The following GNB4 variants were observed in gnomAD, a reference collection of about 807,000 sequenced individuals.
The protein encoded by GNB4 is guanine nucleotide-binding protein subunit beta-4.
GNB4 carries 28 observed loss-of-function variants against 45.2 expected under a neutral mutation model. The ratio of observed to expected loss-of-function variants is 0.62; its 90% CI spans 0.46 to 0.85. GNB4 has a LOEUF of 0.85. Among genes scored for constraint, GNB4 ranks in the 40% least tolerant of loss-of-function variants. GNB4 has a pLI of 0.00. For missense variants in GNB4, 321 were observed against 425.4 expected (o/e 0.75, Z 2.16); for synonymous variants, 132 against 143.7 (o/e 0.92, Z 0.58).
the GNB4 span, chr3:179,464,429 C>A: frequency 2.7e-6 from 4 of 1,509,268 alleles, no homozygotes; most frequent in Admixed American, 3.4e-5. Context: ...CTCGCCCCTT[C>A]CACCTCACGG....
the GNB4 span, among the ~76,000 whole-genome samples, chr3:179,505,721 C>T: frequency 1.3e-5 from 2 of 152,088 alleles, no homozygotes; most frequent in African/African-American, 2.4e-5. Context: ...GAGTGCTGGA[C>T]GACACGTTCC....
the GNB4 span, among the ~76,000 whole-genome samples, chr3:179,462,603 C>A: frequency 6.6e-6 from 1 of 152,120 alleles, no homozygotes; most frequent in African/African-American, 2.4e-5. Flanking sequence ...CTTTGGGAGG[C>A]CGAGGCGGGC....
the GNB4 span, among the ~76,000 whole-genome samples, chr3:179,520,032 C>T: frequency 1.3e-5 from 2 of 152,186 alleles, no homozygotes; most frequent in African/African-American, 4.8e-5. Context: ...TGCCTATCCA[C>T]CCCGTGGTGG....
At chr3:179,519,165 A>G in the GNB4 span, among the ~76,000 whole-genome samples, 12 of 152,324 alleles carry the variant, frequency 7.9e-5, no homozygotes, top group South Asian at 4.1e-4. Flanking sequence ...CCACTGGGTC[A>G]AGGAATGCCC....
rs1347890508 is a variant in GNB4 at position 179,413,794 on chromosome 3, G to A, written c.431-13C>T. On this transcript the variant is annotated splice_polypyrimidine_tract_variant and intron_variant, in intron 6 of 9. Transcript: ENST00000232564. Reference sequence around the variant, plus strand: ...CAGGACAAGTACCCTACAGCATAAAGAGTAGCAAATTTTAGGTTATCACTG... The same window carrying A: ...CAGGACAAGTACCCTACAGCATAAAAAGTAGCAAATTTTAGGTTATCACTG... The A allele has an allele frequency of 6.8e-6, 11 of 1,610,400 alleles. No individual in the cohort carries two copies. The African/African-American group carries it at 1.3e-4, about 20-fold the overall frequency.
chr3:179,487,143 A>G, the GNB4 span, among the ~76,000 whole-genome samples: 2 of 152,344 alleles, frequency 1.3e-5, no homozygotes, highest in South Asian at 2.1e-4. Context: ...TGTGCTTACT[A>G]TGAATGTCTT....
chr3:179,500,195 C>T, the GNB4 span, among the ~76,000 whole-genome samples: 1 of 152,226 alleles, frequency 6.6e-6, no homozygotes, highest in East Asian at 1.9e-4. Context: ...AGGTTTTCTT[C>T]TAGGGTTTTT....
At chr3:179,442,388 G>A (rs1307138416) in intron 1 of GNB4, among the ~76,000 whole-genome samples, 1 of 152,024 alleles carries the variant, frequency 6.6e-6, no homozygotes, top group East Asian at 1.9e-4. Context: ...AAAATAGCAG[G>A]GCATTTCCTT....
At chr3:179,503,482 C>T in the GNB4 span, among the ~76,000 whole-genome samples, 1 of 152,194 alleles carries the variant, frequency 6.6e-6, no homozygotes, top group Admixed American at 6.5e-5. Context: ...TTAACTACAT[C>T]ATCCATTAAA....
chr3:179,446,887 T>A (rs1420960813), intron 1 of GNB4, among the ~76,000 whole-genome samples: 1 of 152,208 alleles, frequency 6.6e-6, no homozygotes, highest in Non-Finnish European at 1.5e-5. Context: ...CATTCCTTCA[T>A]TCAACAAATA....
the GNB4 span, among the ~76,000 whole-genome samples, chr3:179,481,029 T>G: frequency 0.11 from 15,958 of 151,668 alleles, 1,099 homozygotes; most frequent in Admixed American, 0.18. Context: ...TTTTTTGTAT[T>G]TTTAGTAGAG....
intron 8 of GNB4, among the ~76,000 whole-genome samples, chr3:179,409,671 G>A (rs1487821971): frequency 1.3e-5 from 2 of 151,790 alleles, no homozygotes; most frequent in East Asian, 1.9e-4. Context: ...TTAGCTGGGC[G>A]TGGTGGTGTG....
intron 1 of GNB4, chr3:179,437,922 A>T (rs141615732): frequency 1.1e-3 from 171 of 152,262 alleles, no homozygotes; most frequent in African/African-American, 4.1e-3. Context: ...AAATTAAAAA[A>T]TTACCCAGGT....
chr3:179,438,104 C>T (rs1306918336), intron 1 of GNB4, among the ~76,000 whole-genome samples: 2 of 151,944 alleles, frequency 1.3e-5, no homozygotes, highest in Non-Finnish European at 2.9e-5. Flanking sequence ...CAGGATTACC[C>T]CGAACTTAAA....
At chr3:179,470,521 A>C in the GNB4 span, among the ~76,000 whole-genome samples, 1 of 150,228 alleles carries the variant, frequency 6.7e-6, no homozygotes, top group Non-Finnish European at 1.5e-5. Context: ...AAAGAAAAAA[A>C]TATATATATA....
intron 6 of GNB4, among the ~76,000 whole-genome samples, chr3:179,414,157 C>T (rs13072699): frequency 0.027 from 4,074 of 151,938 alleles, 100 homozygotes; most frequent in Non-Finnish European, 0.04. Context: ...CTGGGTGCAC[C>T]GCCTATGAGT....
At chr3:179,414,755 A>T (rs561622610) in intron 6 of GNB4, 130 bp downstream of exon 6, 1 of 602,704 alleles carries the variant, frequency 1.7e-6, no homozygotes, top group African/African-American at 1.9e-5. Context: ...TCCTTTGTTC[A>T]TAATAATTTC....
At chr3:179,424,033 T>A (rs1715073738) in intron 2 of GNB4, among the ~76,000 whole-genome samples, 1 of 152,158 alleles carries the variant, frequency 6.6e-6, no homozygotes, top group African/African-American at 2.4e-5. Context: ...CAGACTAGTA[T>A]GGCTACAGCA....
the GNB4 span, among the ~76,000 whole-genome samples, chr3:179,490,097 T>A: frequency 6.6e-6 from 1 of 152,222 alleles, no homozygotes; most frequent in African/African-American, 2.4e-5. Flanking sequence ...ACCCACTGAA[T>A]GTAAGTATAA....
Sources: allele counts gnomAD v4.1 joint callset (sites outside exome capture counted in the v4.1 genomes callset), GRCh38; gene constraint gnomAD v4.1.1; transcripts MANE v1.5; gene names NCBI Gene and HGNC (gene_info 2026-07-23, HGNC 2026-07-21).